BMPR2: variants seen among roughly 807,000 people sequenced by gnomAD.
BMPR2 encodes the protein bone morphogenetic protein receptor type 2.
In BMPR2, 29 loss-of-function variants were observed where a neutral mutation model predicts 100.8. The observed-to-expected ratio is 0.29, with a 90% CI of 0.21 to 0.39. The LOEUF (loss-of-function observed/expected upper bound fraction) is 0.39. Among genes scored for constraint, BMPR2 ranks in the 10% least tolerant of loss-of-function variants. The pLI is 1.00. For synonymous variants in BMPR2, 382 were observed against 442.3 expected, an observed-to-expected ratio of 0.86 and a Z score of 1.71; for missense variants, 1,011 against 1,274.5, an observed-to-expected ratio of 0.79 and a Z score of 3.15.
intron 7 of BMPR2, among the ~76,000 whole-genome samples, chr2:202,525,857 CTTTTTTTTTTTTTT>C (rs386392340): frequency 1.4e-5 from 1 of 69,362 alleles, no homozygotes; most frequent in Non-Finnish European, 2.5e-5. Context: ...TTCAGAGCAT[CTTTTTTTTTTTTTT>C]TTTTTTTTTT....
chr2:202,398,774 T>C lies in BMPR2; in HGVS notation c.76+21224T>C, dbSNP rs572981421. On this transcript the variant is annotated intron_variant, in intron 1 of 12. Coordinates refer to ENST00000374580, the MANE Select transcript of BMPR2 (RefSeq NM_001204.7). ...TAGGTTAAGAGAAAATACCGTAGTA[T>C]TTTGTAGCTATACAAAGCATCTGGA... Among the ~76,000 whole-genome samples, 139 of 152,324 alleles carry C rather than the reference T, an allele frequency of 9.1e-4. 1 individual carries two copies. The highest frequency in any genetic ancestry group is 3.2e-3 in the African/African-American group (131 of 41,584).
chr2:202,515,212 G>C (rs892207984), intron 5 of BMPR2, among the ~76,000 whole-genome samples: 4 of 152,056 alleles, frequency 2.6e-5, no homozygotes, highest in Non-Finnish European at 5.9e-5. Context: ...TAATATAATT[G>C]CAAGTAGTAG....
chr2:202,394,794 CAG>C (rs530779824), intron 1 of BMPR2, among the ~76,000 whole-genome samples: 1 of 151,850 alleles, frequency 6.6e-6, no homozygotes, highest in Non-Finnish European at 1.5e-5. Flanking sequence ...TATTGAGGCA[CAG>C]AGAGGTTAAA....
intron 1 of BMPR2, among the ~76,000 whole-genome samples, chr2:202,386,774 G>A (rs576682579): frequency 4.0e-5 from 6 of 151,628 alleles, no homozygotes; most frequent in South Asian, 2.1e-4. Flanking sequence ...TCTACCTCCC[G>A]GATTCAAGTG....
chr2:202,552,357 A>G (rs1559073046), intron 10 of BMPR2, among the ~76,000 whole-genome samples: 1 of 152,218 alleles, frequency 6.6e-6, no homozygotes, highest in Non-Finnish European at 1.5e-5. Flanking sequence ...AATGTCCCCA[A>G]GTTCCATCAA....
At chr2:202,433,685 G>A (rs1392726458) in intron 1 of BMPR2, among the ~76,000 whole-genome samples, 6 of 150,426 alleles carry the variant, frequency 4.0e-5, no homozygotes, top group African/African-American at 7.5e-5. Context: ...TGAGGCGGGC[G>A]GATCACGAGG....
rs1692823767 is a variant in BMPR2, at chr2:202,488,349, TTATATG to T, written c.418+20666_418+20671del. Among the ~76,000 whole-genome samples, 3 of 152,182 alleles carry T rather than the reference TTATATG, an allele frequency of 2.0e-5. No individual in the cohort carries two copies. The South Asian group carries it at 6.2e-4, about 32-fold the overall frequency. ...CTGAAAATTGTGTGAGTTCAGGTGT[TTATATG>T]TATATTCTTAATATTTTAAAAATAA... On this transcript the variant is annotated intron_variant, in intron 3 of 12. Coordinates refer to ENST00000374580, the MANE Select transcript of BMPR2 (RefSeq NM_001204.7).
intron 1 of BMPR2, among the ~76,000 whole-genome samples, chr2:202,410,228 G>A (rs1211793397): frequency 6.6e-6 from 1 of 151,860 alleles, no homozygotes; most frequent in East Asian, 1.9e-4. Flanking sequence ...CAAGTGATCC[G>A]CCCGCCTCGG....
chr2:202,457,655 C>T (rs1692147158), intron 1 of BMPR2, among the ~76,000 whole-genome samples: 1 of 150,774 alleles, frequency 6.6e-6, no homozygotes, highest in African/African-American at 2.4e-5. Context: ...GTCATACTTT[C>T]ATCTTTTTCC....
At chr2:202,507,545 A>G (rs999234882) in intron 3 of BMPR2, among the ~76,000 whole-genome samples, 1 of 151,760 alleles carries the variant, frequency 6.6e-6, no homozygotes, top group African/African-American at 2.4e-5. Context: ...ATGCACTACC[A>G]CACCCAGCTA....
rs1687443194 is a variant in BMPR2 at position 202,503,334 on chromosome 2, G to C, written c.419-10385G>C. On this transcript the variant is annotated intron_variant, in intron 3 of 12. Transcript: ENST00000374580. The surrounding 1 kb of genome is among the most constrained non-coding windows in gnomAD (Gnocchi z 4.0). ...CTGCATTGTGGGAGCCCCTTTCTGG[G>C]CTGGCCAAGGCCGGAGCCCACTCCC... Among the ~76,000 whole-genome samples, 1 of 152,194 alleles carries C rather than the reference G, an allele frequency of 6.6e-6. No individual in the cohort carries two copies. Among genetic ancestry groups the C allele is most frequent in the Non-Finnish European group, 1.5e-5 (1 of 68,034 alleles).
intron 3 of BMPR2, among the ~76,000 whole-genome samples, chr2:202,469,891 A>G (rs1692400978): frequency 6.6e-6 from 1 of 152,226 alleles, no homozygotes; most frequent in Non-Finnish European, 1.5e-5. Flanking sequence ...CAAGTGATTT[A>G]TAAGCACAGT....
intron 3 of BMPR2, among the ~76,000 whole-genome samples, chr2:202,496,374 G>A (rs1015420341): frequency 2.6e-5 from 4 of 152,146 alleles, no homozygotes; most frequent in African/African-American, 7.2e-5. Flanking sequence ...ATGCTTGGGA[G>A]GCTGAGGTGA....
chr2:202,411,859 G>GA (rs1199198489), intron 1 of BMPR2, among the ~76,000 whole-genome samples: 2 of 152,104 alleles, frequency 1.3e-5, no homozygotes, highest in African/African-American at 4.8e-5. Flanking sequence ...TCATAAACAA[G>GA]AAAGAACTGA....
chr2:202,481,605 T>A (rs1692661689), intron 3 of BMPR2, among the ~76,000 whole-genome samples: 1 of 152,252 alleles, frequency 6.6e-6, no homozygotes, highest in Non-Finnish European at 1.5e-5. Context: ...GGAGTATTGC[T>A]ATATTAACAA....
In BMPR2 at chr2:202,412,577, C is replaced by T. The variant is rs7572075; in HGVS notation, c.76+35027C>T. ...CTCGTGATCCGCCCGCCTCGGCCTC[C>T]GAAAGTGCTGGGATTACAGGCGTGA... On this transcript the variant is annotated intron_variant, in intron 1 of 12. Coordinates refer to ENST00000374580, the MANE Select transcript of BMPR2 (RefSeq NM_001204.7). Among the ~76,000 whole-genome samples, 578 of 152,212 alleles carry T rather than the reference C, an allele frequency of 3.8e-3. 4 individuals are homozygous for T. The highest frequency in any genetic ancestry group is 0.013 in the African/African-American group (551 of 41,522).
chr2:202,468,900 A>T (rs1692377134), intron 3 of BMPR2, among the ~76,000 whole-genome samples: 1 of 152,230 alleles, frequency 6.6e-6, no homozygotes, highest in African/African-American at 2.4e-5. Context: ...AAAGAAACAA[A>T]GAATAAATAG....
intron 2 of BMPR2, among the ~76,000 whole-genome samples, chr2:202,466,483 T>C (rs1395043288): frequency 2.0e-5 from 3 of 152,028 alleles, no homozygotes; most frequent in African/African-American, 7.2e-5. Context: ...GATAGAGTTT[T>C]GCCATGTTGG....
intron 1 of BMPR2, among the ~76,000 whole-genome samples, chr2:202,456,059 G>A (rs1242852655): frequency 5.0e-5 from 3 of 60,078 alleles, no homozygotes; most frequent in South Asian, 7.2e-4. Context: ...GGTGAGACCC[G>A]TCTCAAAAAA....
Sources: allele counts gnomAD v4.1 joint callset (sites outside exome capture counted in the v4.1 genomes callset), GRCh38; gene constraint gnomAD v4.1.1; non-coding constraint Gnocchi (gnomAD v3.1); transcripts MANE v1.5; gene names NCBI Gene and HGNC (gene_info 2026-07-23, HGNC 2026-07-21).